The following ZNF614 variants were observed in gnomAD, a reference collection of about 807,000 sequenced individuals.
The protein encoded by ZNF614 is zinc finger protein 614.
A neutral mutation model predicts 12.8 loss-of-function variants in ZNF614; 11 were observed. The observed-to-expected ratio is 0.86, with a 90% CI of 0.54 to 1.43. ZNF614 has a LOEUF of 1.43. Ranked by LOEUF, ZNF614 falls within the 40% of genes most tolerant of loss-of-function variation. ZNF614 has a pLI of 0.00. For missense variants in ZNF614, 664 were observed against 708.8 expected, an observed-to-expected ratio of 0.94 and a Z score of 0.72; for synonymous variants, 237 against 237.5, an observed-to-expected ratio of 1.00 and a Z score of 0.02.
rs906111801 is a variant in ZNF614 at position 52,015,194 on chromosome 19, T to A, written c.*646A>T. On this transcript the variant is annotated 3_prime_UTR_variant, in exon 5 of 5. Transcript: ENST00000270649. The stretch of plus-strand genomic sequence containing the variant: ...ATTTTCACCACATTTCATGCCTTCA[T>A]GAGCTGTTGATAGTTTGCTAAAGGT... The A allele has an allele frequency of 1.3e-5, 2 of 152,298 alleles. No homozygotes were observed. Among genetic ancestry groups the A allele is most frequent in the African/African-American group, 4.8e-5 (2 of 41,466 alleles). 9.4% of individuals were successfully genotyped at this position (152,298 alleles called of 1,614,324 possible).
intron 1 of ZNF614, among the ~76,000 whole-genome samples, chr19:52,027,030 C>T (rs1418465404): frequency 6.6e-6 from 1 of 152,190 alleles, no homozygotes; most frequent in Non-Finnish European, 1.5e-5. Context: ...CCAGTGCCAG[C>T]GTGGGTCCTC....
intron 2 of ZNF614, among the ~76,000 whole-genome samples, chr19:52,021,800 AT>A (rs1218757045): frequency 6.6e-6 from 1 of 152,208 alleles, no homozygotes; most frequent in Non-Finnish European, 1.5e-5. Context: ...TTTAAAAAAA[AT>A]GACTTCTGCA....
At chr19:52,020,944 C>G (rs141089308) in intron 2 of ZNF614, among the ~76,000 whole-genome samples, 1 of 152,288 alleles carries the variant, frequency 6.6e-6, no homozygotes, top group East Asian at 1.9e-4. Context: ...TACCATCCTC[C>G]TGAGTATGAA....
chr19:52,017,774 C>T (rs2086909252), intron 4 of ZNF614: 2 of 427,524 alleles, frequency 4.7e-6, no homozygotes, highest in Non-Finnish European at 8.2e-6. Flanking sequence ...ACTCTACGAT[C>T]CCAGTATAAA....
rs2086894023 is a variant in ZNF614, at chr19:52,016,029, CTT to C, written c.1567_1568del (p.Lys523ValfsTer20). ...TTCTTTGATGTACATTGAGTACTGA[CTT>C]TGTGGTGAAGGCTTTTCCACATTCA... ...CNECGKAFTT[K>X]SVLNVHQRTH... On this transcript the variant is annotated frameshift_variant, in exon 5 of 5. Transcript: ENST00000270649. LOFTEE classifies it low-confidence loss of function (END_TRUNC). 6.2e-7 allele frequency: 1 copy of C among 1,614,034 alleles called. No homozygotes were observed. The highest frequency in any genetic ancestry group is 1.3e-5 in the African/African-American group (1 of 74,906).
Position 52,017,148 on chromosome 19 carries a change from A to T in ZNF614, c.450T>A (p.His150Gln), listed in dbSNP as rs1252078780. ...SLSLINQKRR[H>Q]GINNPVEFIG... ...TAAACTCAACAGGGTTATTTATTCC[A>T]TGTCTTCTCTTCTGGTTGATTAAAC... The change falls in exon 5 of 5, where the codon CAT (histidine) becomes CAA (glutamine). Residue 150 changes from histidine to glutamine, a missense_variant. Transcript: ENST00000270649. The T allele has an allele frequency of 1.2e-6, 2 of 1,614,040 alleles. No homozygotes were observed. The highest frequency in any genetic ancestry group is 2.7e-5 in the African/African-American group (2 of 74,938).
rs1568514463 is a variant in ZNF614, at chr19:52,018,399, C to A, written c.111G>T (p.Met37Ile). The change falls in exon 3 of 5, where the codon ATG becomes ATT. Residue 37 changes from methionine to isoleucine, a missense_variant. Met to Ile is a conservative substitution (Grantham distance 10). Transcript: ENST00000270649. ...ATACTAGGTGGTTATAGTTCTCCAC[C>A]ATCACATCCCGGTACAGGTTCTTCT... is the stretch of plus-strand genomic sequence containing the variant. ...TAQKNLYRDV[M>I]VENYNHLVSL... The A allele has an allele frequency of 6.2e-7, 1 of 1,614,100 alleles. No homozygotes were observed. Among genetic ancestry groups the A allele is most frequent in the Admixed American group, 1.7e-5 (1 of 60,018 alleles).
intron 2 of ZNF614, among the ~76,000 whole-genome samples, chr19:52,020,876 G>A (rs992834149): frequency 3.3e-5 from 5 of 152,116 alleles, no homozygotes; most frequent in African/African-American, 1.2e-4. Context: ...TCCCAGGAAC[G>A]AAAACAAAGG....
In ZNF614 at chr19:52,018,015, A is replaced by G. The variant is rs768284521; in HGVS notation, c.231T>C (p.Asn77=). ...TTGCTGGTTCTCACTTACCTGGACA[A>G]TTTTTATTCTGAATTTTAGCATCTG... ...WTTDAKIQNK[N]CPGIGKVDSH... is the part of the protein sequence containing the mutation. Residue 77 remains asparagine (N), a synonymous_variant, in exon 4 of 5, where the codon AAT becomes AAC. Transcript: ENST00000270649. 1.9e-6 allele frequency: 3 copies of G among 1,613,586 alleles called. No homozygotes were observed. In the South Asian group the frequency reaches 3.3e-5, roughly 18 times the overall value.
In ZNF614 at chr19:52,016,698, G is replaced by C. The variant is rs1227603004; in HGVS notation, c.900C>G (p.Arg300=). The part of the protein sequence containing the change: ...SECGKGFTMK[R]YLIAHQRTHS... Reference sequence around the variant, plus strand: ...GAGTTCGCTGATGAGCAATTAGATAGCGCTTCATTGTAAAGCCCTTTCCAC... The same window carrying C: ...GAGTTCGCTGATGAGCAATTAGATACCGCTTCATTGTAAAGCCCTTTCCAC... The change falls in exon 5 of 5, where the codon CGC becomes CGG. Residue 300 remains arginine, a synonymous_variant. Coordinates refer to ENST00000270649, the MANE Select transcript of ZNF614 (RefSeq NM_025040.4). The C allele has an allele frequency of 6.2e-7, 1 of 1,614,174 alleles. No individual in the cohort carries two copies. The highest frequency in any genetic ancestry group is 8.5e-7 in the Non-Finnish European group (1 of 1,180,044).
chr19:52,022,339 G>A (rs755128003), intron 2 of ZNF614, among the ~76,000 whole-genome samples: 3 of 150,812 alleles, frequency 2.0e-5, no homozygotes, highest in Admixed American at 6.6e-5. Flanking sequence ...CTGCCTAGCC[G>A]CCCACCATCT....
At chr19:52,018,583 C>T (rs2086915580) in intron 2 of ZNF614, 89 bp from the exon 3 acceptor site, 2 of 1,317,558 alleles carry the variant, frequency 1.5e-6, no homozygotes, top group Admixed American at 2.4e-5. Context: ...TTTCACAATA[C>T]AGCCTGCATC....
chr19:52,016,324 T>C lies in ZNF614; in HGVS notation c.1274A>G (p.Lys425Arg). The C allele has an allele frequency of 1.9e-6, 3 of 1,609,932 alleles. No individual in the cohort carries two copies. The highest frequency in any genetic ancestry group is 2.5e-6 in the Non-Finnish European group (3 of 1,176,902). ...ACCACATTCATTGCATATGTAAGAT[T>C]TCTCTCCTGTATGAGTTCGCTGATG... ...VIHQRTHTGE[K>R]SYICNECGKG... Residue 425 changes from lysine to arginine, a missense_variant, in exon 5 of 5, where the codon AAA becomes AGA. Transcript: ENST00000270649.
chr19:52,017,136 G>GAT lies in ZNF614; in HGVS notation c.461_462insAT (p.Asn154LysfsTer98). The GAT allele has an allele frequency of 6.2e-7, 1 of 1,614,134 alleles. No individual in the cohort carries two copies. Among genetic ancestry groups the GAT allele is most frequent in the Non-Finnish European group, 8.5e-7 (1 of 1,180,002 alleles). On this transcript the variant is annotated frameshift_variant, in exon 5 of 5. Coordinates refer to ENST00000270649, the MANE Select transcript of ZNF614 (RefSeq NM_025040.4). LOFTEE classifies it low-confidence loss of function (END_TRUNC). Reference sequence around the variant, plus strand: ...TCTCACCTCCAATAAACTCAACAGGGTTATTTATTCCATGTCTTCTCTTCT... The same window carrying GAT: ...TCTCACCTCCAATAAACTCAACAGGGATTTATTTATTCCATGTCTTCTCTTCT...
chr19:52,024,127 C>G (rs2086953687), intron 2 of ZNF614, among the ~76,000 whole-genome samples: 1 of 152,182 alleles, frequency 6.6e-6, no homozygotes, highest in Non-Finnish European at 1.5e-5. Flanking sequence ...TCCCCATTAC[C>G]TGACCTATGC....
chr19:52,018,178 C>T (rs141815388), intron 3 of ZNF614, 75 bp from the exon 4 acceptor site: 11 of 1,473,000 alleles, frequency 7.5e-6, no homozygotes, highest in Admixed American at 6.8e-5. Context: ...ATAATACATT[C>T]GATGAAGAAA....
At position 52,017,149 on chromosome 19, in the gene ZNF614, T is replaced by A; in HGVS notation, c.449A>T (p.His150Leu). ...AAACTCAACAGGGTTATTTATTCCA[T>A]GTCTTCTCTTCTGGTTGATTAAACT... Reference protein sequence around the residue: ...SLSLINQKRRHGINNPVEFIG... With the variant: ...SLSLINQKRRLGINNPVEFIG... The change falls in exon 5 of 5, where the codon CAT (histidine) becomes CTT (leucine). Residue 150 changes from histidine (H) to leucine (L), a missense_variant. By Grantham distance (99) the His-to-Leu change is moderately conservative (BLOSUM62 -3). Coordinates refer to ENST00000270649, the MANE Select transcript of ZNF614 (RefSeq NM_025040.4). 1 of 1,614,218 alleles carries A rather than the reference T, an allele frequency of 6.2e-7. No homozygotes were observed. Among genetic ancestry groups the A allele is most frequent in the Non-Finnish European group, 8.5e-7 (1 of 1,180,030 alleles).
intron 2 of ZNF614, among the ~76,000 whole-genome samples, chr19:52,020,840 G>A (rs1303965027): frequency 6.6e-6 from 1 of 152,098 alleles, no homozygotes; most frequent in Non-Finnish European, 1.5e-5. Context: ...CATAACTTGG[G>A]TAATTACAAG....
chr19:52,021,462 C>T (rs2086932612), intron 2 of ZNF614, among the ~76,000 whole-genome samples: 2 of 151,940 alleles, frequency 1.3e-5, no homozygotes, highest in South Asian at 2.1e-4. Context: ...TTAAGAAGAA[C>T]TTATGAGGCC....
Sources: gnomAD v4.1 joint callset for allele counts (sites outside exome capture counted in the v4.1 genomes callset) on GRCh38, gnomAD v4.1.1 for gene constraint, MANE v1.5 for transcripts, NCBI Gene and HGNC (gene_info 2026-07-23, HGNC 2026-07-21) for gene names.